Variants in RGSL1 observed in about 807,000 individuals in gnomAD.
RGSL1 encodes regulator of G protein signaling protein-like.
Under a neutral mutation model 124.7 loss-of-function variants are expected in RGSL1, and 97 were observed. The ratio of observed to expected loss-of-function variants is 0.78; its 90% CI spans 0.66 to 0.92. The LOEUF (loss-of-function observed/expected upper bound fraction) is 0.92. Among genes scored for constraint, RGSL1 ranks in the 40% least tolerant of loss-of-function variants. The pLI is 0.00. For synonymous variants in RGSL1, 424 were observed against 438.1 expected (o/e 0.97, Z 0.40); for missense variants, 1,233 against 1,288.4 (o/e 0.96, Z 0.66).
At chr1:182,490,678 G>C (rs1484238925) in intron 8 of RGSL1, among the ~76,000 whole-genome samples, 1 of 152,104 alleles carries the variant, frequency 6.6e-6, no homozygotes, top group East Asian at 1.9e-4. Flanking sequence ...GCGTTACTTT[G>C]GTGGCTATGG....
rs373602257 is a variant in RGSL1 at position 182,554,674 on chromosome 1, C to T, written c.3178C>T (p.Gln1060Ter). The change falls in exon 20 of 22, where the codon CAG becomes TAG. Residue 1060 changes from glutamine to a stop codon, truncating the protein, a stop_gained. Transcript: ENST00000294854. LOFTEE classifies it high-confidence loss of function. ...TQPRLVVSAM[Q>*]LHPVQGQKLS... is the part of the protein sequence containing the mutation. ...GCCAAGACTCGTGGTATCTGCCATG[C>T]AGCTGCATCCCGTCCAGGGGTAGGC... 3.9e-6 allele frequency: 6 copies of T among 1,551,602 alleles called. No individual in the cohort carries two copies. The African/African-American group carries it at 4.1e-5, about 11-fold the overall frequency.
At chr1:182,490,817 C>T (rs1246488860) in intron 8 of RGSL1, among the ~76,000 whole-genome samples, 1 of 151,946 alleles carries the variant, frequency 6.6e-6, no homozygotes, top group Non-Finnish European at 1.5e-5. Flanking sequence ...AATAAAGGGC[C>T]TTCTTTGCAT....
At chr1:182,497,028 T>C (rs997458795) in intron 9 of RGSL1, among the ~76,000 whole-genome samples, 8 of 152,184 alleles carry the variant, frequency 5.3e-5, no homozygotes, top group African/African-American at 1.7e-4. Context: ...TGTGATACAA[T>C]GTATATGATA....
chr1:182,460,154 G>A (rs878883406), intron 4 of RGSL1, 21 bp downstream of exon 4: 356 of 1,489,734 alleles, frequency 2.4e-4, no homozygotes, highest in Non-Finnish European at 2.8e-4. Context: ...GTGTGCATGC[G>A]TGTGTCTGTG....
At chr1:182,476,596 A>G (rs1654307099) in intron 6 of RGSL1, among the ~76,000 whole-genome samples, 1 of 152,208 alleles carries the variant, frequency 6.6e-6, no homozygotes, top group Non-Finnish European at 1.5e-5. Context: ...TTACATGCCA[A>G]CCACAGTGAT....
chr1:182,466,897 C>T (rs968887334), intron 4 of RGSL1, among the ~76,000 whole-genome samples: 2 of 152,146 alleles, frequency 1.3e-5, no homozygotes, highest in Admixed American at 1.3e-4. Context: ...GCAGGACTCA[C>T]CTTCTGATTT....
chr1:182,465,691 G>C (rs1279469555), intron 4 of RGSL1, among the ~76,000 whole-genome samples: 1 of 152,016 alleles, frequency 6.6e-6, no homozygotes. Context: ...ACAAAGAAAA[G>C]TCCTGGACCT....
chr1:182,473,899 C>T lies in RGSL1; in HGVS notation c.788C>T (p.Ser263Phe). ...RKMWQLVDPD[S>F]WSLEMDLKPD... ...ATGTGGCAATTGGTAGATCCTGACTCTTGGTCTCTGGAAATGGATCTCAAG... is the reference window on the plus strand; with the variant it reads ...ATGTGGCAATTGGTAGATCCTGACTTTTGGTCTCTGGAAATGGATCTCAAG... The change falls in exon 6 of 22, where the codon TCT (serine) becomes TTT (phenylalanine). Residue 263 changes from serine to phenylalanine, a missense_variant. By Grantham distance (155) the Ser-to-Phe change is radical. Coordinates refer to ENST00000294854, the MANE Select transcript of RGSL1 (RefSeq NM_001137669.2). 6.4e-7 allele frequency: 1 copy of T among 1,551,930 alleles called. No individual in the cohort carries two copies. The highest frequency in any genetic ancestry group is 1.4e-5 in the African/African-American group (1 of 73,176).
At position 182,473,833 on chromosome 1, in the gene RGSL1, A is replaced by C. The variant is rs768115741; in HGVS notation, c.722A>C (p.His241Pro). ...AACATGAGCATCAAGAAGTGCCACC[A>C]CTTTCAGAAACGGTACTCAAGCAGG... ...PLNMSIKKCH[H>P]FQKRYSSRKA... is the part of the protein sequence containing the mutation. Residue 241 changes from histidine (H) to proline (P), a missense_variant, in exon 6 of 22, where the codon CAC becomes CCC. By Grantham distance (77) the His-to-Pro change is moderately conservative. Coordinates refer to ENST00000294854, the MANE Select transcript of RGSL1 (RefSeq NM_001137669.2). 3.2e-6 allele frequency: 5 copies of C among 1,551,710 alleles called. No homozygotes were observed. The African/African-American group carries it at 5.5e-5, about 17-fold the overall frequency.
chr1:182,535,655 C>T (rs933989894), intron 14 of RGSL1, among the ~76,000 whole-genome samples: 11 of 152,124 alleles, frequency 7.2e-5, no homozygotes, highest in African/African-American at 2.7e-4. Flanking sequence ...ATAATTTCTC[C>T]CTGATTCTAC....
At position 182,488,996 on chromosome 1, in the gene RGSL1, TCAGCTCCAGA is replaced by T; in HGVS notation, c.1516_1525del (p.Ser506IlefsTer6). On this transcript the variant is annotated frameshift_variant, in exon 8 of 22. Transcript: ENST00000294854. LOFTEE classifies it high-confidence loss of function. Reference sequence around the variant, plus strand: ...TTCTCTTAGACACAGAACAGGTTCATCAGCTCCAGACAGCATAAAAGAGAATTTATAGGCA... The same window carrying T: ...TTCTCTTAGACACAGAACAGGTTCATCAGCATAAAAGAGAATTTATAGGCA... 1 of 1,550,812 alleles carries T rather than the reference TCAGCTCCAGA, an allele frequency of 6.4e-7. No individual in the cohort carries two copies. Among genetic ancestry groups the T allele is most frequent in the East Asian group, 2.4e-5 (1 of 40,916 alleles).
intron 13 of RGSL1, among the ~76,000 whole-genome samples, chr1:182,532,187 T>C (rs1659221066): frequency 6.6e-6 from 1 of 152,080 alleles, no homozygotes; most frequent in African/African-American, 2.4e-5. Flanking sequence ...TTCGTGTGTG[T>C]ATGTGTGTGT....
At chr1:182,469,786 G>A (rs1037406270) in intron 4 of RGSL1, among the ~76,000 whole-genome samples, 5 of 152,234 alleles carry the variant, frequency 3.3e-5, no homozygotes. Context: ...TAAGCAAAAT[G>A]TGAGATTTTA....
chr1:182,540,122 G>A (rs1659796347), intron 14 of RGSL1, 125 bp from the exon 15 acceptor site: 3 of 904,994 alleles, frequency 3.3e-6, no homozygotes, highest in Non-Finnish European at 4.8e-6. Flanking sequence ...ATGGCAGTAA[G>A]TGACTATTTC....
chr1:182,454,739 G>C (rs1490904088), intron 2 of RGSL1, among the ~76,000 whole-genome samples: 1 of 152,000 alleles, frequency 6.6e-6, no homozygotes, highest in African/African-American at 2.4e-5. Context: ...TTGTTGACTG[G>C]AACAAACCTA....
chr1:182,530,081 T>C (rs980129003), intron 11 of RGSL1, among the ~76,000 whole-genome samples, 163 bp from the exon 12 acceptor site: 1 of 152,028 alleles, frequency 6.6e-6, no homozygotes, highest in Admixed American at 6.6e-5. Context: ...ATTTCAAATA[T>C]GCTTTGGAGA....
At chr1:182,533,593 C>A (rs1234661475) in intron 14 of RGSL1, among the ~76,000 whole-genome samples, 1 of 152,152 alleles carries the variant, frequency 6.6e-6, no homozygotes, top group African/African-American at 2.4e-5. Flanking sequence ...AGCCGGAGTG[C>A]CTAGATTTGA....
At chr1:182,521,683 A>G (rs1360820233) in intron 9 of RGSL1, among the ~76,000 whole-genome samples, 2 of 152,226 alleles carry the variant, frequency 1.3e-5, no homozygotes, top group African/African-American at 4.8e-5. Context: ...ATGGTCTAGT[A>G]AAAGCAGCTG....
intron 9 of RGSL1, among the ~76,000 whole-genome samples, chr1:182,513,422 A>C (rs1657620295): frequency 6.6e-6 from 1 of 152,246 alleles, no homozygotes; most frequent in African/African-American, 2.4e-5. Flanking sequence ...TGTATTATAC[A>C]AGGAAAGAAT....
Sources: allele counts gnomAD v4.1 joint callset (sites outside exome capture counted in the v4.1 genomes callset), GRCh38; gene constraint gnomAD v4.1.1; transcripts MANE v1.5; gene names NCBI Gene and HGNC (gene_info 2026-07-23, HGNC 2026-07-21).